The following CNTNAP5 variants were observed in gnomAD, a reference collection of about 807,000 sequenced individuals.
The protein encoded by CNTNAP5 is contactin-associated protein-like 5.
CNTNAP5 carries 72 observed loss-of-function variants against 150.2 expected under a neutral mutation model. That is an observed-to-expected ratio of 0.48 (90% CI 0.40 to 0.58). The LOEUF (loss-of-function observed/expected upper bound fraction) is 0.58. Among genes scored for constraint, CNTNAP5 ranks in the 20% least tolerant of loss-of-function variants. CNTNAP5 has a pLI of 0.00. For missense variants in CNTNAP5, 1,636 were observed against 1,626.2 expected, an observed-to-expected ratio of 1.01 and a Z score of -0.10; for synonymous variants, 672 against 619.8, an observed-to-expected ratio of 1.08 and a Z score of -1.25.
intron 13 of CNTNAP5, among the ~76,000 whole-genome samples, chr2:124,716,987 T>C (rs932536811): frequency 6.6e-6 from 1 of 152,158 alleles, no homozygotes; most frequent in African/African-American, 2.4e-5. Flanking sequence ...TGCCTAAATA[T>C]CCCGGGTGCT....
Position 124,800,096 on chromosome 2 carries a change from G to A in CNTNAP5, c.3217+1776G>A, listed in dbSNP as rs190041464. ...GCATGGAGAAGTTCAGTAGGTGGGCGTGCCAACGAGGTAATCTATGGCACA... is the reference window on the plus strand; with the variant it reads ...GCATGGAGAAGTTCAGTAGGTGGGCATGCCAACGAGGTAATCTATGGCACA... On this transcript the variant is annotated intron_variant, in intron 19 of 23. Transcript: ENST00000682447. Among the ~76,000 whole-genome samples, 48 of 152,308 alleles carry A rather than the reference G, an allele frequency of 3.2e-4. No individual in the cohort carries two copies. The South Asian group carries it at 6.6e-3, about 21-fold the overall frequency.
chr2:124,406,104 A>T (rs547791679), intron 3 of CNTNAP5, among the ~76,000 whole-genome samples: 1 of 152,314 alleles, frequency 6.6e-6, no homozygotes, highest in East Asian at 1.9e-4. Context: ...GGGTTACATA[A>T]AACTGTGTTG....
chr2:124,081,398 T>C (rs530101193), intron 1 of CNTNAP5, among the ~76,000 whole-genome samples: 19 of 152,290 alleles, frequency 1.2e-4, no homozygotes, highest in African/African-American at 4.3e-4. Flanking sequence ...AACTGTTTCT[T>C]ATGTGAAACA....
At chr2:124,148,253 T>C (rs1248423320) in intron 1 of CNTNAP5, among the ~76,000 whole-genome samples, 1 of 150,990 alleles carries the variant, frequency 6.6e-6, no homozygotes, top group Non-Finnish European at 1.5e-5. Context: ...GAGCCAAGAT[T>C]GCGCCACTGC....
intron 13 of CNTNAP5, among the ~76,000 whole-genome samples, chr2:124,670,363 T>C (rs1175221759): frequency 6.6e-6 from 1 of 152,152 alleles, no homozygotes; most frequent in African/African-American, 2.4e-5. Context: ...TGGCCATCTG[T>C]GTGTCTTCTG....
intron 6 of CNTNAP5, among the ~76,000 whole-genome samples, chr2:124,461,264 C>T (rs1210238369): frequency 6.6e-6 from 1 of 152,062 alleles, no homozygotes; most frequent in Non-Finnish European, 1.5e-5. Flanking sequence ...ATAGCAAAGA[C>T]TTGGAACCAA....
chr2:124,867,055 G>T (rs1008783782), intron 20 of CNTNAP5, among the ~76,000 whole-genome samples: 6 of 152,122 alleles, frequency 3.9e-5, no homozygotes, highest in Admixed American at 3.9e-4. Flanking sequence ...GCCTGACCTT[G>T]CTACCTGTGG....
At chr2:124,748,041 GT>G (rs1680646727) in intron 14 of CNTNAP5, among the ~76,000 whole-genome samples, 1 of 151,826 alleles carries the variant, frequency 6.6e-6, no homozygotes, top group Non-Finnish European at 1.5e-5. Context: ...TGGACTATAT[GT>G]TTTGGGGGGA....
At chr2:124,816,165 G>C (rs1468513790) in intron 19 of CNTNAP5, among the ~76,000 whole-genome samples, 2 of 152,202 alleles carry the variant, frequency 1.3e-5, no homozygotes, top group African/African-American at 4.8e-5. Flanking sequence ...TTCTACAAAT[G>C]TGCTGGATTA....
intron 1 of CNTNAP5, among the ~76,000 whole-genome samples, chr2:124,203,788 G>A (rs550352256): frequency 6.6e-6 from 1 of 152,282 alleles, no homozygotes; most frequent in East Asian, 1.9e-4. Context: ...GCACAAAGCA[G>A]CAAGGCCCTG....
intron 5 of CNTNAP5, among the ~76,000 whole-genome samples, chr2:124,437,273 A>C (rs1442500768): frequency 1.3e-5 from 2 of 151,852 alleles, no homozygotes; most frequent in African/African-American, 4.8e-5. Context: ...TGCACTCCTG[A>C]CTCCTCCATG....
At chr2:124,598,842 T>C (rs934535387) in intron 11 of CNTNAP5, among the ~76,000 whole-genome samples, 142 of 152,124 alleles carry the variant, frequency 9.3e-4, no homozygotes, top group African/African-American at 3.3e-3. Flanking sequence ...GATATAGTCT[T>C]GTGGTGCGCC....
intron 19 of CNTNAP5, among the ~76,000 whole-genome samples, chr2:124,805,054 G>C (rs1193442151): frequency 6.6e-6 from 1 of 152,000 alleles, no homozygotes; most frequent in Non-Finnish European, 1.5e-5. Context: ...ACTCCTCTTT[G>C]TATGAAATAC....
intron 13 of CNTNAP5, among the ~76,000 whole-genome samples, chr2:124,721,407 G>A (rs904442223): frequency 2.0e-5 from 3 of 151,774 alleles, no homozygotes; most frequent in East Asian, 1.9e-4. Flanking sequence ...GCTTGAACCC[G>A]GACGGCGGAG....
At chr2:124,113,988 C>G (rs79520985) in intron 1 of CNTNAP5, among the ~76,000 whole-genome samples, 14,225 of 151,840 alleles carry the variant, frequency 0.094, 787 homozygotes, top group Non-Finnish European at 0.13. Flanking sequence ...ATTTGCCTAA[C>G]CTTGTGCCAA....
chr2:124,191,914 C>G (rs538264113), intron 1 of CNTNAP5, among the ~76,000 whole-genome samples: 4 of 151,114 alleles, frequency 2.6e-5, no homozygotes, highest in South Asian at 4.2e-4. Context: ...AAAAAAAAAG[C>G]AAAGAAAAAG....
intron 12 of CNTNAP5, among the ~76,000 whole-genome samples, chr2:124,634,493 T>C (rs1302324614): frequency 3.3e-5 from 5 of 150,858 alleles, no homozygotes; most frequent in Non-Finnish European, 5.9e-5. Flanking sequence ...GGCACACACG[T>C]GTGTGTGTGT....
At chr2:124,109,754 T>C (rs540157720) in intron 1 of CNTNAP5, among the ~76,000 whole-genome samples, 1 of 152,230 alleles carries the variant, frequency 6.6e-6, no homozygotes, top group South Asian at 2.1e-4. Flanking sequence ...TAATGTTAAA[T>C]AGCAGGTAAA....
intron 19 of CNTNAP5, among the ~76,000 whole-genome samples, chr2:124,805,444 C>A (rs1682062104): frequency 6.6e-6 from 1 of 152,144 alleles, no homozygotes; most frequent in Admixed American, 6.5e-5. Context: ...CATAGTCAAA[C>A]ACAAGGAAAC....
Sources: allele counts gnomAD v4.1 joint callset (sites outside exome capture counted in the v4.1 genomes callset), GRCh38; gene constraint gnomAD v4.1.1; transcripts MANE v1.5; gene names NCBI Gene and HGNC (gene_info 2026-07-23, HGNC 2026-07-21).